PRKAR2A: variants seen among roughly 807,000 people sequenced by gnomAD.
PRKAR2A encodes the protein cAMP-dependent protein kinase type II-alpha regulatory subunit.
In PRKAR2A, 29 loss-of-function variants were observed where a neutral mutation model predicts 51.9. The observed-to-expected ratio is 0.56, with a 90% CI of 0.42 to 0.76. The LOEUF (loss-of-function observed/expected upper bound fraction) is 0.76, where lower values mean the gene tolerates loss of function less well. Among genes scored for constraint, PRKAR2A ranks in the 30% least tolerant of loss-of-function variants. PRKAR2A has a pLI of 0.00. For missense variants in PRKAR2A, 445 were observed against 512.1 expected, an observed-to-expected ratio of 0.87 and a Z score of 1.26; for synonymous variants, 178 against 186.2, an observed-to-expected ratio of 0.96 and a Z score of 0.36.
chr3:48,829,882 T>A (rs1175103754), intron 1 of PRKAR2A, among the ~76,000 whole-genome samples: 4 of 136,896 alleles, frequency 2.9e-5, no homozygotes, highest in African/African-American at 7.9e-5. Context: ...TTTTTTTTTT[T>A]TTTTTAAGCT....
intron 6 of PRKAR2A, among the ~76,000 whole-genome samples, chr3:48,772,529 T>C (rs936579090): frequency 6.6e-6 from 1 of 152,170 alleles, no homozygotes; most frequent in Non-Finnish European, 1.5e-5. Context: ...TATTCCCCTA[T>C]ACAAATCTAT....
intron 9 of PRKAR2A, among the ~76,000 whole-genome samples, chr3:48,754,259 C>CA: frequency 7.3e-6 from 1 of 137,242 alleles, no homozygotes; most frequent in Middle Eastern, 4.3e-3. Context: ...TTTTTTGAGA[C>CA]AGAGTTTGGC....
chr3:48,817,621 T>C (rs1216113247), intron 1 of PRKAR2A, among the ~76,000 whole-genome samples: 1 of 150,692 alleles, frequency 6.6e-6, no homozygotes, highest in Non-Finnish European at 1.5e-5. Context: ...CGCTCCAGCC[T>C]GGGCAACAGG....
chr3:48,772,327 A>G (rs1362730548), intron 6 of PRKAR2A, among the ~76,000 whole-genome samples: 1 of 151,632 alleles, frequency 6.6e-6, no homozygotes, highest in African/African-American at 2.4e-5. Flanking sequence ...GCTCACTGCA[A>G]CCTCCGCCTC....
chr3:48,790,768 G>C (rs2082369577), intron 3 of PRKAR2A, 141 bp from the exon 4 acceptor site: 4 of 529,962 alleles, frequency 7.5e-6, no homozygotes, highest in Non-Finnish European at 1.2e-5. Context: ...TAAATATCAA[G>C]CTGCATGCTA....
Position 48,752,197 on chromosome 3 carries a change from C to G in PRKAR2A, c.1060G>C (p.Val354Leu). The change falls in exon 10 of 11, where the codon GTT becomes CTT. Residue 354 changes from valine (V) to leucine (L), a missense_variant. Physicochemically the swap from Val to Leu is conservative, Grantham distance 32. Coordinates refer to ENST00000265563, the MANE Select transcript of PRKAR2A (RefSeq NM_004157.4). ...NKPRAASAYA[V>L]GDVKCLVMDV... ...TTACCTAAGCATTTGACATCTCCAA[C>G]TGCATAAGCTGAGGCAGCTCTGGGT... The G allele has an allele frequency of 1.2e-6, 2 of 1,613,738 alleles. No homozygotes were observed. Among genetic ancestry groups the G allele is most frequent in the Non-Finnish European group, 1.7e-6 (2 of 1,179,936 alleles).
At chr3:48,776,772 C>A (rs769396680) in intron 5 of PRKAR2A, among the ~76,000 whole-genome samples, 1 of 151,928 alleles carries the variant, frequency 6.6e-6, no homozygotes, top group Non-Finnish European at 1.5e-5. Flanking sequence ...AACTGGGAGG[C>A]AGAGGTTGCA....
chr3:48,768,337 A>ATAGATAGG (rs2081972814), intron 6 of PRKAR2A, among the ~76,000 whole-genome samples: 3 of 151,820 alleles, frequency 2.0e-5, no homozygotes, highest in African/African-American at 4.8e-5. Context: ...AGATAGATAG[A>ATAGATAGG]TAGATATAGA....
chr3:48,811,025 A>T (rs1249521557), intron 1 of PRKAR2A, among the ~76,000 whole-genome samples: 1 of 152,086 alleles, frequency 6.6e-6, no homozygotes, highest in South Asian at 2.1e-4. Context: ...CAAAAAATTT[A>T]AAAATTAGTC....
intron 6 of PRKAR2A, among the ~76,000 whole-genome samples, chr3:48,767,839 G>A (rs754514482): frequency 4.0e-5 from 6 of 149,324 alleles, no homozygotes; most frequent in Non-Finnish European, 8.9e-5. Context: ...CAGGAGAATC[G>A]CTTGAACCTG....
In PRKAR2A at chr3:48,751,145, G is replaced by A. The variant is rs2081640960; in HGVS notation, c.*440C>T. 2 of 359,624 alleles carry A rather than the reference G, an allele frequency of 5.6e-6. No individual in the cohort carries two copies. The highest frequency in any genetic ancestry group is 7.4e-5 in the East Asian group (1 of 13,574). The allele number at this position is 359,624 out of a possible 1,614,324, so 22.3% of individuals were successfully genotyped here. On this transcript the variant is annotated 3_prime_UTR_variant, in exon 11 of 11. Coordinates refer to ENST00000265563, the MANE Select transcript of PRKAR2A (RefSeq NM_004157.4). Reference sequence around the variant, plus strand: ...TCAAAGGACAAATGAGGAGACTGAAGGCTACATTTCCTCCTTTGAGAACCA... The same window carrying A: ...TCAAAGGACAAATGAGGAGACTGAAAGCTACATTTCCTCCTTTGAGAACCA...
chr3:48,799,833 T>G (rs1448608162), intron 2 of PRKAR2A, among the ~76,000 whole-genome samples: 1 of 152,190 alleles, frequency 6.6e-6, no homozygotes, highest in Non-Finnish European at 1.5e-5. Flanking sequence ...TAAATAAAAG[T>G]TGGGCTTTTT....
At chr3:48,793,859 T>C (rs1278282315) in intron 3 of PRKAR2A, 138 bp downstream of exon 3, 2 of 783,570 alleles carry the variant, frequency 2.6e-6, no homozygotes, top group African/African-American at 3.5e-5. Flanking sequence ...AACTTTCAAT[T>C]TGTTAGATTA....
In PRKAR2A at chr3:48,847,651, G is replaced by A. The variant is rs1218754165; in HGVS notation, c.-55C>T. 8 of 1,392,906 alleles carry A rather than the reference G, an allele frequency of 5.7e-6. No homozygotes were observed. Among genetic ancestry groups the A allele is most frequent in the Non-Finnish European group, 7.4e-6 (8 of 1,078,442 alleles). 86.3% of individuals were successfully genotyped at this position (1,392,906 alleles called of 1,614,324 possible). On this transcript the variant is annotated 5_prime_UTR_variant, in exon 1 of 11. Coordinates refer to ENST00000265563, the MANE Select transcript of PRKAR2A (RefSeq NM_004157.4). The surrounding 1 kb of genome is among the most constrained non-coding windows in gnomAD (Gnocchi z 4.4). Reference sequence around the variant, plus strand: ...TGGGCCGCCGGCGGCCACTGTCTCCGCGCTCACTCACGCCGGCCTTTCGCT... The same window carrying A: ...TGGGCCGCCGGCGGCCACTGTCTCCACGCTCACTCACGCCGGCCTTTCGCT...
At chr3:48,846,225 T>C (rs998169109) in intron 1 of PRKAR2A, among the ~76,000 whole-genome samples, 13 of 150,962 alleles carry the variant, frequency 8.6e-5, no homozygotes, top group Non-Finnish European at 1.9e-4. Flanking sequence ...TTTTCTTTTT[T>C]TTTTTTTTTG....
At chr3:48,777,269 G>A (rs185364544) in intron 5 of PRKAR2A, among the ~76,000 whole-genome samples, 43 of 152,252 alleles carry the variant, frequency 2.8e-4, no homozygotes, top group Admixed American at 1.2e-3. Context: ...CCCTTTTACT[G>A]TATATGTAGT....
intron 1 of PRKAR2A, among the ~76,000 whole-genome samples, chr3:48,829,187 T>G (rs2083123992): frequency 6.6e-6 from 1 of 151,446 alleles, no homozygotes; most frequent in Admixed American, 6.6e-5. Flanking sequence ...CCAGCTTGGG[T>G]AACAGAGCAA....
At chr3:48,795,263 G>A (rs2082472437) in intron 2 of PRKAR2A, among the ~76,000 whole-genome samples, 3 of 152,146 alleles carry the variant, frequency 2.0e-5, no homozygotes, top group East Asian at 1.9e-4. Flanking sequence ...GTGAGCCACC[G>A]CGACTAGCCT....
chr3:48,768,712 A>G (rs2081977956), intron 6 of PRKAR2A, among the ~76,000 whole-genome samples: 1 of 151,738 alleles, frequency 6.6e-6, no homozygotes, highest in African/African-American at 2.4e-5. Flanking sequence ...TAAATAAATA[A>G]ATATTAAAAA....
Sources: allele counts gnomAD v4.1 joint callset (sites outside exome capture counted in the v4.1 genomes callset), GRCh38; gene constraint gnomAD v4.1.1; non-coding constraint Gnocchi (gnomAD v3.1); transcripts MANE v1.5; gene names NCBI Gene and HGNC (gene_info 2026-07-23, HGNC 2026-07-21).